The following PRKG1 variants were observed in gnomAD, a reference collection of about 807,000 sequenced individuals.
The protein encoded by PRKG1 is cGMP-dependent protein kinase 1.
In PRKG1, 35 loss-of-function variants were observed where a neutral mutation model predicts 88.1. The ratio of observed to expected loss-of-function variants is 0.40; its 90% CI spans 0.30 to 0.53. PRKG1 has a LOEUF of 0.53. Ranked by LOEUF, PRKG1 falls within the 20% of genes least tolerant of loss-of-function variation. The pLI is 0.59. For synonymous variants in PRKG1, 303 were observed against 292.5 expected, an observed-to-expected ratio of 1.04 and a Z score of -0.37; for missense variants, 540 against 839.8, an observed-to-expected ratio of 0.64 and a Z score of 4.41.
chr10:51,491,328 A>AT (rs1281370497), intron 3 of PRKG1, among the ~76,000 whole-genome samples: 1 of 152,112 alleles, frequency 6.6e-6, no homozygotes, highest in East Asian at 1.9e-4. Context: ...TCCTAAAGGA[A>AT]TTTTCTCTCC....
intron 4 of PRKG1, among the ~76,000 whole-genome samples, chr10:51,890,000 C>T (rs1438297952): frequency 1.3e-5 from 2 of 152,082 alleles, no homozygotes; most frequent in Non-Finnish European, 2.9e-5. Context: ...TTCTCCCATT[C>T]TTTAGGTTGC....
chr10:51,074,293 C>G (rs1007015496), upstream of PRKG1: 3 of 380,730 alleles, frequency 7.9e-6, no homozygotes, highest in African/African-American at 2.1e-5. Context: ...CGACTCTTCT[C>G]CCCCGCGCCG....
chr10:51,884,751 T>C (rs986059353), intron 4 of PRKG1, among the ~76,000 whole-genome samples: 4 of 152,106 alleles, frequency 2.6e-5, no homozygotes, highest in Non-Finnish European at 5.9e-5. Context: ...AGCTTGGTGG[T>C]TGGCTTTTAA....
chr10:51,896,174 C>T (rs993835716), intron 4 of PRKG1, among the ~76,000 whole-genome samples: 4 of 152,132 alleles, frequency 2.6e-5, no homozygotes, highest in African/African-American at 9.7e-5. Flanking sequence ...ATTTCCAGCA[C>T]TCTTTGAGTC....
chr10:51,774,526 G>C (rs994787122), intron 3 of PRKG1, among the ~76,000 whole-genome samples: 1 of 151,956 alleles, frequency 6.6e-6, no homozygotes, highest in Non-Finnish European at 1.5e-5. Context: ...TCTCAGAAGT[G>C]TAATGGGTTT....
At chr10:52,113,441 G>A (rs1457373594) in intron 7 of PRKG1, among the ~76,000 whole-genome samples, 2 of 152,058 alleles carry the variant, frequency 1.3e-5, no homozygotes, top group Non-Finnish European at 2.9e-5. Context: ...GAGGGAAAGA[G>A]GGAGTGTAAG....
chr10:51,236,526 G>A (rs1216148172), intron 2 of PRKG1, among the ~76,000 whole-genome samples: 2 of 148,460 alleles, frequency 1.3e-5, no homozygotes, highest in Non-Finnish European at 3.0e-5. Context: ...TTTTTTTAAT[G>A]GAGTCTTGCT....
rs1200312747 is a variant in PRKG1 at position 52,271,495 on chromosome 10, G to C, written c.1313+6G>C. On this transcript the variant is annotated splice_donor_region_variant and intron_variant, in intron 11 of 17. Transcript: ENST00000373980. ...CATTCCGATTTCATAGTGAGGTAAAGGCTCCATGCCAGGGACAGACGTACC... is the reference window on the plus strand; with the variant it reads ...CATTCCGATTTCATAGTGAGGTAAACGCTCCATGCCAGGGACAGACGTACC... The C allele has an allele frequency of 2.5e-6, 4 of 1,611,376 alleles. No homozygotes were observed. The South Asian group carries it at 3.3e-5, about 13-fold the overall frequency.
In PRKG1 at chr10:51,097,924, G is replaced by C. The variant is rs75638087; in HGVS notation, c.311+23023G>C. On this transcript the variant is annotated intron_variant, in intron 1 of 17. Transcript: ENST00000373980. The stretch of plus-strand genomic sequence containing the variant: ...GATAGGTCTTGGGCTAGCTTTTCTG[G>C]ATCTCCTCCACCCCCAGTTAACTGG... Among the ~76,000 whole-genome samples, 13 of 141,770 alleles carry C rather than the reference G, an allele frequency of 9.2e-5. 1 individual carries two copies. The East Asian group carries it at 2.8e-3, about 31-fold the overall frequency. 93.0% of individuals were successfully genotyped at this position (141,770 alleles called of 152,430 possible).
intron 2 of PRKG1, among the ~76,000 whole-genome samples, chr10:51,366,321 G>C (rs1445393346): frequency 6.6e-6 from 1 of 151,886 alleles, no homozygotes; most frequent in African/African-American, 2.4e-5. Context: ...CCACTTATAA[G>C]TGGATATTAA....
intron 1 of PRKG1, among the ~76,000 whole-genome samples, chr10:51,040,175 C>T (rs879279160): frequency 2.7e-5 from 4 of 149,558 alleles, no homozygotes; most frequent in Non-Finnish European, 5.9e-5. Context: ...GTAGTATGGA[C>T]ATTTTAACAA....
intron 7 of PRKG1, among the ~76,000 whole-genome samples, chr10:52,063,509 G>C (rs1158532739): frequency 6.6e-6 from 1 of 152,248 alleles, no homozygotes; most frequent in Admixed American, 6.5e-5. Context: ...AATGTGGCAA[G>C]CAAGGGGCAT....
chr10:51,352,342 A>G (rs987930211), intron 2 of PRKG1, among the ~76,000 whole-genome samples: 4 of 152,060 alleles, frequency 2.6e-5, no homozygotes, highest in African/African-American at 9.7e-5. Context: ...TTCGGGAAGT[A>G]TGGCCATTTT....
intron 3 of PRKG1, among the ~76,000 whole-genome samples, chr10:51,546,926 T>C (rs1247490729): frequency 6.6e-6 from 1 of 152,142 alleles, no homozygotes; most frequent in African/African-American, 2.4e-5. Flanking sequence ...TTCTGCCTTT[T>C]CCATGAAAGT....
At chr10:51,479,126 A>G (rs898462867) in intron 3 of PRKG1, among the ~76,000 whole-genome samples, 2 of 151,896 alleles carry the variant, frequency 1.3e-5, no homozygotes, top group African/African-American at 4.8e-5. Context: ...TTTTTTTTCA[A>G]TCAGAAAAAC....
chr10:51,230,274 C>G (rs1838808008), intron 2 of PRKG1, among the ~76,000 whole-genome samples: 1 of 151,974 alleles, frequency 6.6e-6, no homozygotes, highest in Non-Finnish European at 1.5e-5. Flanking sequence ...GGTATATGCA[C>G]AAAGAGACAT....
At chr10:51,204,287 A>T (rs1000863122) in intron 2 of PRKG1, among the ~76,000 whole-genome samples, 3 of 152,026 alleles carry the variant, frequency 2.0e-5, no homozygotes, top group Non-Finnish European at 4.4e-5. Flanking sequence ...CCTGAAAATG[A>T]TGGGAAGATG....
upstream of PRKG1, among the ~76,000 whole-genome samples, chr10:51,073,542 C>T (rs1222672227): frequency 6.6e-6 from 1 of 152,152 alleles, no homozygotes; most frequent in Non-Finnish European, 1.5e-5. Context: ...GAACTATTCC[C>T]AGGCACCAGC....
At chr10:52,067,181 C>G (rs1846374881) in intron 7 of PRKG1, among the ~76,000 whole-genome samples, 1 of 152,074 alleles carries the variant, frequency 6.6e-6, no homozygotes, top group Non-Finnish European at 1.5e-5. Context: ...AATAGCTATG[C>G]TTGTTTACAA....
Sources: allele counts gnomAD v4.1 joint callset (sites outside exome capture counted in the v4.1 genomes callset), GRCh38; gene constraint gnomAD v4.1.1; transcripts MANE v1.5; gene names NCBI Gene and HGNC (gene_info 2026-07-23, HGNC 2026-07-21).